Variants in CRB1 observed in about 807,000 individuals in gnomAD.
CRB1 encodes protein crumbs homolog 1.
CRB1 carries 83 observed loss-of-function variants against 120.0 expected under a neutral mutation model. The observed-to-expected ratio is 0.69, with a 90% CI of 0.58 to 0.83. The LOEUF is 0.83. Among genes scored for constraint, CRB1 ranks in the 40% least tolerant of loss-of-function variants. The pLI is 0.00. For missense variants in CRB1, 1,699 were observed against 1,687.6 expected (o/e 1.01, Z -0.12); for synonymous variants, 625 against 612.5 (o/e 1.02, Z -0.30).
chr1:197,246,584 G>A, the CRB1 span, among the ~76,000 whole-genome samples: 6 of 151,788 alleles, frequency 4.0e-5, no homozygotes, highest in Admixed American at 3.9e-4. Flanking sequence ...GTTATCATTA[G>A]CAGAAAGAAT....
At chr1:197,310,854 A>T (rs528995081) in intron 1 of CRB1, among the ~76,000 whole-genome samples, 1 of 152,274 alleles carries the variant, frequency 6.6e-6, no homozygotes, top group Non-Finnish European at 1.5e-5. Context: ...ATGTTTGTTA[A>T]TATCCCATTG....
At chr1:197,314,427 CTTTTA>C (rs1309293772) in intron 1 of CRB1, among the ~76,000 whole-genome samples, 3 of 152,026 alleles carry the variant, frequency 2.0e-5, no homozygotes, top group Non-Finnish European at 4.4e-5. Flanking sequence ...CATATTCATT[CTTTTA>C]TTTAAGTCCT....
Position 197,328,702 on chromosome 1 carries a change from C to G in CRB1, c.351C>G (p.Asn117Lys), listed in dbSNP as rs794727317. The part of the protein sequence containing the change: ...CETTIGSCGK[N>K]SCQHGGICHQ... The stretch of plus-strand genomic sequence containing the variant: ...CTACCATTGGTTCCTGTGGCAAGAA[C>G]TCCTGCCAACATGGAGGTATTTGCC... Residue 117 changes from asparagine to lysine, a missense_variant, in exon 2 of 12, where the codon AAC becomes AAG. Transcript: ENST00000367400. 8 of 1,613,150 alleles carry G rather than the reference C, an allele frequency of 5.0e-6. No individual in the cohort carries two copies. The highest frequency in any genetic ancestry group is 4.0e-5 in the African/African-American group (3 of 75,020).
intron 5 of CRB1, among the ~76,000 whole-genome samples, chr1:197,378,713 A>G (rs971441571): frequency 7.1e-6 from 1 of 140,306 alleles, no homozygotes. Flanking sequence ...CTTTTTTCAA[A>G]GAGTTTCTTC....
At chr1:197,412,612 C>T (rs1206239774) in intron 5 of CRB1, among the ~76,000 whole-genome samples, 1 of 152,162 alleles carries the variant, frequency 6.6e-6, no homozygotes. Context: ...CTTACACCAC[C>T]TTCACCCTGT....
intron 5 of CRB1, among the ~76,000 whole-genome samples, chr1:197,413,438 C>T (rs1346073307): frequency 6.6e-6 from 1 of 152,094 alleles, no homozygotes; most frequent in Non-Finnish European, 1.5e-5. Context: ...TGCATAGATA[C>T]TTAATAGATT....
In CRB1 at chr1:197,432,609, G is replaced by A. The variant is rs1049739883; in HGVS notation, c.2843-2097G>A. 1.1e-4 allele frequency among the ~76,000 whole-genome samples: 17 copies of A among 151,986 alleles called. 1 individual carries two copies. Among genetic ancestry groups the A allele is most frequent in the Admixed American group, 9.8e-4 (15 of 15,234 alleles). On this transcript the variant is annotated intron_variant, in intron 8 of 11. Coordinates refer to ENST00000367400, the MANE Select transcript of CRB1 (RefSeq NM_201253.3). ...ATACATCAGGGACACACAGGCTTAGGCATAAGGATTTAGTGATAACCTAGA... is the reference window on the plus strand; with the variant it reads ...ATACATCAGGGACACACAGGCTTAGACATAAGGATTTAGTGATAACCTAGA...
At chr1:197,408,071 T>C (rs936119290) in intron 5 of CRB1, among the ~76,000 whole-genome samples, 18 of 152,074 alleles carry the variant, frequency 1.2e-4, no homozygotes, top group Non-Finnish European at 2.4e-4. Context: ...TAGAAAGAGG[T>C]ATTCACACTT....
chr1:197,464,980 A>C (rs867126027), intron 11 of CRB1, among the ~76,000 whole-genome samples: 4 of 152,200 alleles, frequency 2.6e-5, no homozygotes, highest in African/African-American at 9.6e-5. Context: ...AAAGGAACAG[A>C]GTTCTTGTCA....
intron 11 of CRB1, among the ~76,000 whole-genome samples, chr1:197,453,376 T>G (rs925595631): frequency 6.8e-6 from 1 of 147,510 alleles, no homozygotes; most frequent in Admixed American, 6.8e-5. Flanking sequence ...AATTAAATTA[T>G]ATATAATTAA....
intron 5 of CRB1, among the ~76,000 whole-genome samples, chr1:197,360,077 A>G (rs967561907): frequency 2.6e-5 from 4 of 152,138 alleles, no homozygotes; most frequent in Non-Finnish European, 5.9e-5. Flanking sequence ...CAGTTTCTAC[A>G]TATTCATTAT....
At chr1:197,462,765 T>G (rs1022001975) in intron 11 of CRB1, among the ~76,000 whole-genome samples, 4 of 152,196 alleles carry the variant, frequency 2.6e-5, no homozygotes, top group African/African-American at 7.2e-5. Context: ...TTCAAGAACC[T>G]GCTGATGGAG....
At chr1:197,368,889 A>G (rs779598483) in intron 5 of CRB1, among the ~76,000 whole-genome samples, 4 of 152,222 alleles carry the variant, frequency 2.6e-5, no homozygotes, top group Non-Finnish European at 4.4e-5. Flanking sequence ...GCAACTTAGA[A>G]GACCTGAAAG....
chr1:197,346,297 A>C (rs1195178700), intron 3 of CRB1, among the ~76,000 whole-genome samples: 2 of 152,106 alleles, frequency 1.3e-5, no homozygotes, highest in Non-Finnish European at 2.9e-5. Context: ...ACTGAAAAAA[A>C]AAAAAAGAAC....
At chr1:197,344,031 CTTAT>C (rs749677741) in intron 2 of CRB1, among the ~76,000 whole-genome samples, 2 of 152,192 alleles carry the variant, frequency 1.3e-5, no homozygotes, top group Non-Finnish European at 2.9e-5. Flanking sequence ...CTAAAAATGA[CTTAT>C]TTGTTTTCAC....
In CRB1 at chr1:197,435,326, GAAGA is replaced by G; in HGVS notation, c.3464_3467del (p.Glu1155AlafsTer54). ...CCCCTGTTTGCATGGAGGAAACTGT[GAAGA>G]CATCTATAGCTCTTATCATTGCTCC... On this transcript the variant is annotated frameshift_variant, in exon 9 of 12. Transcript: ENST00000367400. LOFTEE classifies it high-confidence loss of function. The G allele has an allele frequency of 6.2e-7, 1 of 1,613,798 alleles. No homozygotes were observed. The highest frequency in any genetic ancestry group is 1.3e-5 in the African/African-American group (1 of 75,022).
intron 11 of CRB1, among the ~76,000 whole-genome samples, chr1:197,460,162 C>A (rs918014462): frequency 6.6e-6 from 1 of 151,820 alleles, no homozygotes; most frequent in East Asian, 1.9e-4. Context: ...CAGATTAAGT[C>A]TTCTTTCACT....
intron 1 of CRB1, among the ~76,000 whole-genome samples, chr1:197,312,124 C>CT (rs1429628491): frequency 1.3e-5 from 2 of 151,932 alleles, no homozygotes; most frequent in Non-Finnish European, 2.9e-5. Context: ...TTTAATGTCC[C>CT]TGAAAAAATA....
intron 5 of CRB1, among the ~76,000 whole-genome samples, chr1:197,415,426 T>C (rs778625120): frequency 1.2e-4 from 19 of 152,060 alleles, no homozygotes; most frequent in Non-Finnish European, 2.5e-4. Flanking sequence ...GCTAAAAACC[T>C]CGTAAGTTCC....
Sources: gnomAD v4.1 joint callset for allele counts (sites outside exome capture counted in the v4.1 genomes callset) on GRCh38, gnomAD v4.1.1 for gene constraint, MANE v1.5 for transcripts, NCBI Gene and HGNC (gene_info 2026-07-23, HGNC 2026-07-21) for gene names.